Variants in TMEFF2 observed in about 807,000 individuals in gnomAD.
TMEFF2 encodes tomoregulin-2.
In TMEFF2, 28 loss-of-function variants were observed where a neutral mutation model predicts 53.8. The observed-to-expected ratio is 0.52, with a 90% CI of 0.39 to 0.71. The LOEUF is 0.71. Among genes scored for constraint, TMEFF2 ranks in the 30% least tolerant of loss-of-function variants. TMEFF2 has a pLI of 0.00. For synonymous variants in TMEFF2, 162 were observed against 166.3 expected (o/e 0.97, Z 0.20); for missense variants, 353 against 455.2 (o/e 0.78, Z 2.04).
At chr2:191,963,466 TTTC>T (rs141872003) in intron 7 of TMEFF2, among the ~76,000 whole-genome samples, 2,889 of 152,216 alleles carry the variant, frequency 0.019, 100 homozygotes, top group African/African-American at 0.065. Flanking sequence ...GCCAAGCAGT[TTTC>T]TTCTTTGTAG....
intron 7 of TMEFF2, among the ~76,000 whole-genome samples, chr2:191,963,430 C>T (rs1692327574): frequency 6.6e-6 from 1 of 152,168 alleles, no homozygotes; most frequent in African/African-American, 2.4e-5. Context: ...CAGGTCCCAT[C>T]TACTCTAGTC....
intron 7 of TMEFF2, 120 bp from the exon 8 acceptor site, chr2:191,956,498 G>T: frequency 9.0e-7 from 1 of 1,105,598 alleles, no homozygotes; most frequent in Non-Finnish European, 1.3e-6. Context: ...GAACTAAAGG[G>T]CTATGCTTCA....
intron 4 of TMEFF2, among the ~76,000 whole-genome samples, chr2:192,156,025 A>AAG (rs397724613): frequency 5.9e-5 from 9 of 151,710 alleles, no homozygotes; most frequent in Admixed American, 3.9e-4. Context: ...AAAAAAAAAA[A>AAG]CAAGATAATA....
intron 7 of TMEFF2, among the ~76,000 whole-genome samples, chr2:191,964,843 C>G (rs1013415164): frequency 1.3e-5 from 2 of 152,060 alleles, no homozygotes; most frequent in African/African-American, 4.8e-5. Flanking sequence ...CCTCAGCCAT[C>G]ACAATCTCTC....
chr2:192,187,980 A>G (rs1006327842), intron 2 of TMEFF2, among the ~76,000 whole-genome samples: 3 of 152,176 alleles, frequency 2.0e-5, no homozygotes, highest in African/African-American at 7.2e-5. Context: ...CACCTTCCAC[A>G]GAGTCTGGCA....
At chr2:192,114,300 T>C (rs576883282) in intron 4 of TMEFF2, among the ~76,000 whole-genome samples, 1 of 151,972 alleles carries the variant, frequency 6.6e-6, no homozygotes, top group East Asian at 1.9e-4. Context: ...GCTTTATCAG[T>C]ATAATAGTTA....
chr2:191,975,413 C>T (rs570606736), intron 7 of TMEFF2, among the ~76,000 whole-genome samples: 209 of 150,326 alleles, frequency 1.4e-3, no homozygotes, highest in Admixed American at 5.1e-3. Context: ...TCTGATTTCC[C>T]TCAACTTTCT....
chr2:192,177,414 TTAAAAC>T (rs1440027887), intron 4 of TMEFF2: 1 of 150,730 alleles, frequency 6.6e-6, no homozygotes, highest in Non-Finnish European at 1.5e-5. Flanking sequence ...TTAAAGAAAA[TTAAAAC>T]TAATAGTCTT....
chr2:192,171,541 G>T (rs1690913496), intron 4 of TMEFF2, among the ~76,000 whole-genome samples: 1 of 151,828 alleles, frequency 6.6e-6, no homozygotes, highest in Admixed American at 6.6e-5. Flanking sequence ...CTGGCCTTGA[G>T]GGTCACTCCC....
intron 4 of TMEFF2, among the ~76,000 whole-genome samples, chr2:192,107,848 A>G (rs1427666688): frequency 6.6e-6 from 1 of 151,852 alleles, no homozygotes; most frequent in Non-Finnish European, 1.5e-5. Context: ...AGAAATCACA[A>G]GGCAAAATGG....
At chr2:192,156,641 A>G (rs1221133004) in intron 4 of TMEFF2, among the ~76,000 whole-genome samples, 1 of 152,102 alleles carries the variant, frequency 6.6e-6, no homozygotes, top group African/African-American at 2.4e-5. Context: ...CAAATTTTAC[A>G]TATGCCAGAA....
At chr2:192,175,214 C>T (rs2106028415) in intron 4 of TMEFF2, among the ~76,000 whole-genome samples, 1 of 151,570 alleles carries the variant, frequency 6.6e-6, no homozygotes, top group South Asian at 2.1e-4. Context: ...TTATAAAATC[C>T]ACATTAGAAA....
At position 192,023,390 on chromosome 2, in the gene TMEFF2, C is replaced by T. The variant is rs139662113; in HGVS notation, c.537-24182G>A. 2.4e-4 allele frequency among the ~76,000 whole-genome samples: 36 copies of T among 152,206 alleles called. No individual in the cohort carries two copies. The East Asian group carries it at 5.6e-3, about 24-fold the overall frequency. The stretch of plus-strand genomic sequence containing the variant: ...TATTTCTATGTCATGCCTAATTATA[C>T]GCTAGGAACTGTAATTTCTGCCTGA... On this transcript the variant is annotated intron_variant, in intron 5 of 9. Transcript: ENST00000272771.
At chr2:192,149,072 TACCAATCACTTAGTGACTACA>T (rs1484362358) in intron 4 of TMEFF2, among the ~76,000 whole-genome samples, 6 of 151,984 alleles carry the variant, frequency 3.9e-5, no homozygotes, top group African/African-American at 1.4e-4. Flanking sequence ...AGTCACAAGC[TACCAATCACTTAGTGACTACA>T]ATATTCAGGC....
At chr2:192,160,584 C>T (rs2106010764) in intron 4 of TMEFF2, among the ~76,000 whole-genome samples, 1 of 151,914 alleles carries the variant, frequency 6.6e-6, no homozygotes, top group African/African-American at 2.4e-5. Context: ...GAAGGTGAGC[C>T]AAAGATTTGA....
At chr2:192,037,490 T>C (rs1322794385) in intron 5 of TMEFF2, among the ~76,000 whole-genome samples, 1 of 151,654 alleles carries the variant, frequency 6.6e-6, no homozygotes, top group Non-Finnish European at 1.5e-5. Context: ...GTCCACGATA[T>C]GGAAAGACCC....
intron 7 of TMEFF2, among the ~76,000 whole-genome samples, chr2:191,977,219 C>T (rs929772617): frequency 1.3e-5 from 2 of 152,182 alleles, no homozygotes; most frequent in African/African-American, 2.4e-5. Context: ...GGAGAGAGAG[C>T]ATGGCTTGTG....
At chr2:192,067,186 A>G (rs1318896808) in intron 4 of TMEFF2, among the ~76,000 whole-genome samples, 2 of 151,898 alleles carry the variant, frequency 1.3e-5, no homozygotes, top group African/African-American at 4.8e-5. Context: ...GTGTTGAGGC[A>G]TCATTGTATG....
intron 4 of TMEFF2, among the ~76,000 whole-genome samples, chr2:192,092,476 C>G (rs998571381): frequency 1.3e-5 from 2 of 152,096 alleles, no homozygotes; most frequent in Non-Finnish European, 2.9e-5. Context: ...ATCTTCAGTG[C>G]TCCCAACAAC....
Sources: gnomAD v4.1 joint callset for allele counts (sites outside exome capture counted in the v4.1 genomes callset) on GRCh38, gnomAD v4.1.1 for gene constraint, MANE v1.5 for transcripts, NCBI Gene and HGNC (gene_info 2026-07-23, HGNC 2026-07-21) for gene names.